The following CSMD3 variants were observed in gnomAD, a reference collection of about 807,000 sequenced individuals.
CSMD3 encodes CUB and sushi domain-containing protein 3.
Under a neutral mutation model 435.2 loss-of-function variants are expected in CSMD3, and 177 were observed. The ratio of observed to expected loss-of-function variants is 0.41; its 90% CI spans 0.36 to 0.46. The LOEUF (loss-of-function observed/expected upper bound fraction) is 0.46, where lower values mean the gene tolerates loss of function less well. CSMD3 is among the 20% of genes least tolerant of loss of function. CSMD3 has a pLI of 0.34. For missense variants in CSMD3, 4,265 were observed against 4,504.6 expected (o/e 0.95, Z 1.52); for synonymous variants, 1,656 against 1,520.5 (o/e 1.09, Z -2.07).
At chr8:113,417,018 A>C (rs1043923022) in intron 1 of CSMD3, among the ~76,000 whole-genome samples, 6 of 152,152 alleles carry the variant, frequency 3.9e-5, no homozygotes, top group African/African-American at 1.4e-4. Flanking sequence ...AACATAATAT[A>C]AAATAATAAA....
intron 2 of CSMD3, among the ~76,000 whole-genome samples, chr8:113,306,363 C>T (rs964699403): frequency 3.9e-5 from 6 of 152,012 alleles, no homozygotes; most frequent in African/African-American, 1.5e-4. Context: ...ATATCACTCT[C>T]AATGTAATCT....
chr8:112,841,672 C>G (rs1362058174), intron 11 of CSMD3, among the ~76,000 whole-genome samples: 1 of 151,764 alleles, frequency 6.6e-6, no homozygotes, highest in Non-Finnish European at 1.5e-5. Context: ...TGGTATTCAT[C>G]TGGCCACTCT....
chr8:113,135,643 C>G (rs1268230270), intron 4 of CSMD3, among the ~76,000 whole-genome samples: 1 of 151,590 alleles, frequency 6.6e-6, no homozygotes, highest in African/African-American at 2.4e-5. Context: ...TTTCCCAATG[C>G]TTAGACAAAA....
chr8:113,432,042 G>T (rs1218575287), intron 1 of CSMD3, among the ~76,000 whole-genome samples: 1 of 152,106 alleles, frequency 6.6e-6, no homozygotes, highest in Non-Finnish European at 1.5e-5. Context: ...CTCCTTGAAG[G>T]ATCTCAAGGG....
intron 13 of CSMD3, among the ~76,000 whole-genome samples, chr8:112,711,169 T>A (rs965828908): frequency 1.3e-5 from 2 of 152,140 alleles, no homozygotes. Context: ...CAATAGATCA[T>A]CTTAATTAAG....
chr8:112,488,495 G>A (rs78142128), intron 31 of CSMD3, among the ~76,000 whole-genome samples: 1 of 152,210 alleles, frequency 6.6e-6, no homozygotes, highest in East Asian at 1.9e-4. Flanking sequence ...CAAAGAAAAA[G>A]TTTTGCTTAT....
chr8:112,336,047 G>A (rs1338964553), intron 44 of CSMD3, among the ~76,000 whole-genome samples: 2 of 151,872 alleles, frequency 1.3e-5, no homozygotes, highest in East Asian at 3.9e-4. Flanking sequence ...TGAATAGCTG[G>A]GACCACAGGC....
chr8:112,976,623 G>T (rs1056241594), intron 6 of CSMD3, among the ~76,000 whole-genome samples: 5 of 151,554 alleles, frequency 3.3e-5, no homozygotes, highest in Admixed American at 1.3e-4. Flanking sequence ...GAAGAAAAGA[G>T]AATTTAAAAT....
At chr8:112,815,497 A>G (rs1290982950) in intron 12 of CSMD3, among the ~76,000 whole-genome samples, 2 of 152,162 alleles carry the variant, frequency 1.3e-5, no homozygotes, top group Non-Finnish European at 2.9e-5. Context: ...TAAGACTCCA[A>G]TCAGGTCTTG....
chr8:112,494,494 C>CCTTTCTTTCTTTCTTT lies in CSMD3; in HGVS notation c.5084-1827_5084-1812dup, dbSNP rs66517203. Among the ~76,000 whole-genome samples, 73 of 40,192 alleles carry CCTTTCTTTCTTTCTTT rather than the reference C, an allele frequency of 1.8e-3. 2 individuals are homozygous for CCTTTCTTTCTTTCTTT. The highest frequency in any genetic ancestry group is 2.7e-3 in the Non-Finnish European group (46 of 17,034). The allele number at this position is 40,192 out of a possible 152,430, so 26.4% of individuals were successfully genotyped here. ...TTTCTTTTCTTTTGTTTCTTTCTCT[C>CCTTTCTTTCTTTCTTT]CTTTCTTTCTTTCTTTCTTTCTTTC... On this transcript the variant is annotated intron_variant, in intron 30 of 70. Transcript: ENST00000297405.
chr8:113,066,670 C>T lies in CSMD3; in HGVS notation c.917+32086G>A, dbSNP rs77147527. On this transcript the variant is annotated intron_variant, in intron 5 of 70. Coordinates refer to ENST00000297405, the MANE Select transcript of CSMD3 (RefSeq NM_198123.2). ...ACAAGCTTCTCAAATATCAATCATG[C>T]ATATCATAAAGGGGGATAAATCAGA... Among the ~76,000 whole-genome samples the T allele has an allele frequency of 3.3e-3, 500 of 152,056 alleles. 17 individuals are homozygous for T. In the East Asian group the frequency reaches 0.065, roughly 20 times the overall value.
chr8:112,654,414 A>G (rs2075206602), intron 18 of CSMD3, among the ~76,000 whole-genome samples: 1 of 152,216 alleles, frequency 6.6e-6, no homozygotes. Context: ...TTTCTTAAAG[A>G]CAAATTTAAA....
At chr8:113,000,767 T>C (rs969347287) in intron 6 of CSMD3, among the ~76,000 whole-genome samples, 1 of 152,026 alleles carries the variant, frequency 6.6e-6, no homozygotes, top group Non-Finnish European at 1.5e-5. Flanking sequence ...TTAAATGCTA[T>C]CTTTCTGGGC....
chr8:112,444,983 C>T (rs1488057814), intron 32 of CSMD3, among the ~76,000 whole-genome samples: 3 of 152,078 alleles, frequency 2.0e-5, no homozygotes. Flanking sequence ...TGACTCATGC[C>T]TATAAACCTA....
chr8:113,297,756 T>C (rs529536641), intron 2 of CSMD3, among the ~76,000 whole-genome samples: 15 of 152,114 alleles, frequency 9.9e-5, no homozygotes, highest in Non-Finnish European at 2.2e-4. Context: ...ATATTTACTT[T>C]TTGTATATTT....
chr8:113,208,122 A>G (rs1300706055), intron 3 of CSMD3, among the ~76,000 whole-genome samples: 1 of 152,204 alleles, frequency 6.6e-6, no homozygotes, highest in Non-Finnish European at 1.5e-5. Context: ...TATTTTAACC[A>G]AAATAATATA....
intron 1 of CSMD3, among the ~76,000 whole-genome samples, chr8:113,376,263 G>C (rs2094382195): frequency 6.6e-6 from 1 of 152,060 alleles, no homozygotes; most frequent in Non-Finnish European, 1.5e-5. Flanking sequence ...AAAGTTATTT[G>C]ATTGATGTAC....
At chr8:112,389,504 A>C (rs1830235226) in intron 36 of CSMD3, among the ~76,000 whole-genome samples, 1 of 152,208 alleles carries the variant, frequency 6.6e-6, no homozygotes, top group African/African-American at 2.4e-5. Context: ...GGATGGCCTT[A>C]AAACTCTGAA....
chr8:112,700,582 T>G (rs2076368413), intron 13 of CSMD3, among the ~76,000 whole-genome samples: 1 of 152,122 alleles, frequency 6.6e-6, no homozygotes, highest in South Asian at 2.1e-4. Context: ...TATTGTTGCC[T>G]AGATTTTAAT....
Sources: gnomAD v4.1 joint callset for allele counts (sites outside exome capture counted in the v4.1 genomes callset) on GRCh38, gnomAD v4.1.1 for gene constraint, MANE v1.5 for transcripts, NCBI Gene and HGNC (gene_info 2026-07-23, HGNC 2026-07-21) for gene names.